The following COPS4 variants were observed in gnomAD, a reference collection of about 807,000 sequenced individuals.
COPS4 encodes COP9 signalosome subunit 4.
A neutral mutation model predicts 55.1 loss-of-function variants in COPS4; 8 were observed. The observed-to-expected ratio is 0.15, with a 90% CI of 0.09 to 0.26. The LOEUF is 0.26. Ranked by LOEUF, COPS4 falls within the 10% of genes least tolerant of loss-of-function variation. The pLI, the probability that COPS4 is intolerant of heterozygous loss-of-function variation, is 1.00. For missense variants in COPS4, 248 were observed against 484.0 expected, an observed-to-expected ratio of 0.51 and a Z score of 4.58; for synonymous variants, 185 against 165.7, an observed-to-expected ratio of 1.12 and a Z score of -0.90.
intron 3 of COPS4, 84 bp downstream of exon 3, chr4:83,049,401 A>G (rs1054203653): frequency 8.2e-7 from 1 of 1,217,216 alleles, no homozygotes; most frequent in Non-Finnish European, 1.1e-6. Flanking sequence ...CTTAAAGGAG[A>G]TAATCATCCA....
At chr4:83,054,709 C>G (rs2126130960) in intron 4 of COPS4, among the ~76,000 whole-genome samples, 1 of 152,204 alleles carries the variant, frequency 6.6e-6, no homozygotes, top group South Asian at 2.1e-4. Context: ...GTAGCTGAAA[C>G]AAATATAAAA....
At chr4:83,058,961 C>A (rs1344964538) in intron 6 of COPS4, among the ~76,000 whole-genome samples, 2 of 152,162 alleles carry the variant, frequency 1.3e-5, no homozygotes, top group Admixed American at 6.5e-5. Flanking sequence ...TTATCACATT[C>A]TTTTATCTTT....
At chr4:83,063,771 G>A (rs1367964517) in intron 7 of COPS4, among the ~76,000 whole-genome samples, 3 of 151,842 alleles carry the variant, frequency 2.0e-5, no homozygotes, top group Admixed American at 6.6e-5. Context: ...GTGCAATGGT[G>A]CGATCTCGGT....
rs914631581 is a variant in COPS4 at position 83,045,651 on chromosome 4, A to G, written c.100A>G (p.Ile34Val). The change falls in exon 2 of 10, where the codon ATT becomes GTT. Residue 34 changes from isoleucine (I) to valine (V), a missense_variant. By Grantham distance (29) the Ile-to-Val change is conservative. This residue lies in a region of COPS4 where 55 missense variants were observed against 62.8 expected (regional missense o/e 0.88). Transcript: ENST00000264389. ...GTATCGTCAGATCCTGGAAAAAGCC[A>G]TTCAGTTATCTGGAGCAGAACAACT... ...GKYRQILEKA[I>V]QLSGAEQLEA... is the part of the protein sequence containing the mutation. The G allele has an allele frequency of 6.2e-7, 1 of 1,613,130 alleles. No individual in the cohort carries two copies. Among genetic ancestry groups the G allele is most frequent in the African/African-American group, 1.3e-5 (1 of 74,904 alleles).
intron 1 of COPS4, among the ~76,000 whole-genome samples, chr4:83,038,591 C>A (rs1730482344): frequency 6.6e-6 from 1 of 151,774 alleles, no homozygotes; most frequent in African/African-American, 2.4e-5. Flanking sequence ...CCAATGATTT[C>A]TCTCTCCTAA....
chr4:83,066,205 G>A (rs969987202), intron 7 of COPS4, among the ~76,000 whole-genome samples: 1 of 151,982 alleles, frequency 6.6e-6, no homozygotes, highest in Non-Finnish European at 1.5e-5. Context: ...AACCCAAAGG[G>A]GTTAGATCTA....
At chr4:83,075,050 G>A (rs554738109) in intron 9 of COPS4, among the ~76,000 whole-genome samples, 1 of 152,032 alleles carries the variant, frequency 6.6e-6, no homozygotes, top group African/African-American at 2.4e-5. Context: ...TCAGGAGGTG[G>A]AGGTTGCAGT....
intron 7 of COPS4, among the ~76,000 whole-genome samples, chr4:83,065,576 A>G (rs1731274490): frequency 6.6e-6 from 1 of 152,232 alleles, no homozygotes; most frequent in African/African-American, 2.4e-5. Flanking sequence ...TTCAGCAGAA[A>G]TATGTAAGCA....
At chr4:83,063,281 A>T in intron 7 of COPS4, 35 bp downstream of exon 7, 1 of 1,491,804 alleles carries the variant, frequency 6.7e-7, no homozygotes, top group South Asian at 1.3e-5. Flanking sequence ...ATGGTAGTCA[A>T]TGTTTAGGTA....
chr4:83,056,798 C>CA (rs1196652453), intron 4 of COPS4, 128 bp from the exon 5 acceptor site: 377 of 719,430 alleles, frequency 5.2e-4, no homozygotes, highest in Non-Finnish European at 6.3e-4. Context: ...GACTCCATCT[C>CA]AAAAAAAAAG....
chr4:83,050,565 C>G lies in COPS4; in HGVS notation c.410+581C>G, dbSNP rs139045815. The stretch of plus-strand genomic sequence containing the variant: ...CCTCAAGTGATCCACCTACTTCAGC[C>G]TCTCTAAGTGCTGGGATTACAGGTC... On this transcript the variant is annotated intron_variant, in intron 4 of 9. Coordinates refer to ENST00000264389, the MANE Select transcript of COPS4 (RefSeq NM_016129.3). Among the ~76,000 whole-genome samples the G allele has an allele frequency of 3.7e-3, 556 of 152,276 alleles. 1 individual carries two copies. The highest frequency in any genetic ancestry group is 0.013 in the African/African-American group (527 of 41,538).
intron 1 of COPS4, among the ~76,000 whole-genome samples, chr4:83,043,518 C>CAAAAAA (rs34480105): frequency 1.7e-4 from 3 of 17,662 alleles, no homozygotes; most frequent in Non-Finnish European, 2.4e-4. Flanking sequence ...GACCCTGTCT[C>CAAAAAA]AAAAAAAAAA....
chr4:83,045,255 T>C (rs1246293411), intron 1 of COPS4, among the ~76,000 whole-genome samples: 2 of 152,222 alleles, frequency 1.3e-5, no homozygotes, highest in African/African-American at 4.8e-5. Flanking sequence ...GCTTATCTTT[T>C]AAGGCATTTG....
intron 9 of COPS4, among the ~76,000 whole-genome samples, chr4:83,073,952 G>C (rs745604664): frequency 1.1e-5 from 1 of 87,974 alleles, no homozygotes; most frequent in East Asian, 2.5e-4. Context: ...GTGAGACTCC[G>C]TCTCAAAAAA....
At position 83,048,317 on chromosome 4, in the gene COPS4, A is replaced by T. The variant is rs1730772316; in HGVS notation, c.155-849A>T. ...AATCACATAAAATAATACCTCGTAAATGTTTATAAATAATGTCAATACATC... is the reference window on the plus strand; with the variant it reads ...AATCACATAAAATAATACCTCGTAATTGTTTATAAATAATGTCAATACATC... On this transcript the variant is annotated intron_variant, in intron 2 of 9. Transcript: ENST00000264389. 2.0e-5 allele frequency among the ~76,000 whole-genome samples: 3 copies of T among 152,188 alleles called. No individual in the cohort carries two copies. The South Asian group carries it at 6.2e-4, about 31-fold the overall frequency.
At chr4:83,067,578 A>G (rs995881847) in intron 8 of COPS4, among the ~76,000 whole-genome samples, 3 of 142,874 alleles carry the variant, frequency 2.1e-5, no homozygotes, top group South Asian at 2.2e-4. Flanking sequence ...TGCCCAGGCT[A>G]GTCTTGAACT....
intron 9 of COPS4, among the ~76,000 whole-genome samples, chr4:83,071,648 G>GC (rs1238266633): frequency 6.6e-6 from 1 of 151,822 alleles, no homozygotes; most frequent in Admixed American, 6.6e-5. Flanking sequence ...TGAGCTCCTG[G>GC]CCTCAAGTGA....
intron 6 of COPS4, among the ~76,000 whole-genome samples, chr4:83,062,705 T>C (rs1346014936): frequency 1.3e-5 from 2 of 152,248 alleles, no homozygotes; most frequent in African/African-American, 4.8e-5. Context: ...AAAATATGTG[T>C]GTTAGATAGC....
chr4:83,065,009 A>C, intron 7 of COPS4: 1 of 653,302 alleles, frequency 1.5e-6, no homozygotes, highest in South Asian at 1.6e-5. Context: ...ACCTCCCCAG[A>C]AGCTTAGGCA....
Sources: gnomAD v4.1 joint callset for allele counts (sites outside exome capture counted in the v4.1 genomes callset) on GRCh38, gnomAD v4.1.1 for gene constraint, gnomAD v4.1.1 regional missense constraint, MANE v1.5 for transcripts, NCBI Gene and HGNC (gene_info 2026-07-23, HGNC 2026-07-21) for gene names.